PHC2: variants seen among roughly 807,000 people sequenced by gnomAD.
PHC2 encodes the protein polyhomeotic-like protein 2.
Under a neutral mutation model 87.4 loss-of-function variants are expected in PHC2, and 29 were observed. The ratio of observed to expected loss-of-function variants is 0.33; its 90% confidence interval spans 0.25 to 0.45. The LOEUF is 0.45. Ranked by LOEUF, PHC2 falls within the 20% of genes least tolerant of loss-of-function variation. The pLI is 1.00. For missense variants in PHC2, 857 were observed against 1,136.7 expected, an observed-to-expected ratio of 0.75 and a Z score of 3.54; for synonymous variants, 438 against 461.7, an observed-to-expected ratio of 0.95 and a Z score of 0.66.
chr1:33,419,770 C>A (rs1009030791), intron 1 of PHC2, among the ~76,000 whole-genome samples: 22 of 152,134 alleles, frequency 1.4e-4, no homozygotes, highest in African/African-American at 4.8e-4. Context: ...CTACCACGCC[C>A]GGCTAATTTT....
At chr1:33,346,634 C>CA in intron 9 of PHC2, 1 of 985,332 alleles carries the variant, frequency 1.0e-6, no homozygotes, top group South Asian at 4.7e-5. Context: ...CTGGAGTCAC[C>CA]AACCTATTCC....
At chr1:33,325,114 A>T in intron 14 of PHC2, 95 bp from the exon 15 acceptor site, 1 of 1,212,736 alleles carries the variant, frequency 8.2e-7, no homozygotes, top group Non-Finnish European at 1.1e-6. Flanking sequence ...AGTTATCTGC[A>T]TCCATTATTT....
chr1:33,328,809 G>A (rs923342796), intron 14 of PHC2, 61 bp downstream of exon 14: 2 of 1,486,242 alleles, frequency 1.3e-6, no homozygotes, highest in Non-Finnish European at 1.8e-6. Context: ...GTGGTGGGAG[G>A]GTCTCTCATT....
chr1:33,424,239 G>A (rs939015293), intron 1 of PHC2, among the ~76,000 whole-genome samples: 4 of 152,014 alleles, frequency 2.6e-5, no homozygotes, highest in Admixed American at 1.3e-4. Flanking sequence ...TCCTTAAAAC[G>A]AACGGGTGCC....
intron 9 of PHC2, chr1:33,350,014 T>C (rs1646936807): frequency 1.2e-5 from 3 of 243,034 alleles, no homozygotes; most frequent in African/African-American, 7.0e-5. Context: ...CGCGCTTCCT[T>C]TGTGCGGCGA....
intron 1 of PHC2, among the ~76,000 whole-genome samples, chr1:33,397,421 A>G (rs1649340444): frequency 6.6e-6 from 1 of 152,234 alleles, no homozygotes. Flanking sequence ...CCTCTGGGTC[A>G]TTCACGTGCA....
chr1:33,351,305 A>T (rs72658253), intron 9 of PHC2, among the ~76,000 whole-genome samples: 14,915 of 152,288 alleles, frequency 0.098, 1,034 homozygotes, highest in East Asian at 0.28. Flanking sequence ...AAAAAAATTT[A>T]AAATGTAGAA....
At chr1:33,399,974 G>T (rs1321926065) in intron 1 of PHC2, among the ~76,000 whole-genome samples, 6 of 151,856 alleles carry the variant, frequency 4.0e-5, no homozygotes, top group South Asian at 2.1e-4. Flanking sequence ...GTAAGAGAGA[G>T]ATATAACTTA....
At chr1:33,342,960 G>T (rs1009167489) in intron 9 of PHC2, among the ~76,000 whole-genome samples, 3 of 152,194 alleles carry the variant, frequency 2.0e-5, no homozygotes, top group African/African-American at 7.2e-5. Flanking sequence ...GGCCAGACCT[G>T]GACTCATATT....
In PHC2 at chr1:33,371,070, C is replaced by G. The variant is rs2148326264; in HGVS notation, c.358G>C (p.Gly120Arg). The G allele has an allele frequency of 6.2e-7, 1 of 1,614,100 alleles. No homozygotes were observed. Among genetic ancestry groups the G allele is most frequent in the Non-Finnish European group, 8.5e-7 (1 of 1,179,982 alleles). The change falls in exon 4 of 15, where the codon GGA becomes CGA. Residue 120 changes from glycine to arginine, a missense_variant. This residue lies in a region of PHC2 where 832 missense variants were observed against 1,081.8 expected (regional missense o/e 0.77). Transcript: ENST00000683057. ...QQASLVSNRQ[G>R]STSGSNVSAQ... ...GACACATTGCTGCCTGAAGTGCTTC[C>G]TTGTCTATTGGATACCAGGCTTGCC...
At chr1:33,407,051 T>C (rs1649793525) in intron 1 of PHC2, among the ~76,000 whole-genome samples, 1 of 152,234 alleles carries the variant, frequency 6.6e-6, no homozygotes, top group Non-Finnish European at 1.5e-5. Flanking sequence ...GATCTACTGA[T>C]TAATATGTTC....
rs1646927018 is a variant in PHC2 at position 33,349,797 on chromosome 1, G to A, written c.1558+4604C>T. The A allele has an allele frequency of 2.0e-6, 2 of 977,336 alleles. No individual in the cohort carries two copies. The highest frequency in any genetic ancestry group is 1.2e-6 in the Non-Finnish European group (1 of 825,460). The allele number at this position is 977,336 out of a possible 1,614,324, so 60.5% of individuals were successfully genotyped here. ...CAAAGGGCGGCCGGGGCGCGAGGCCGGGACGGGGGCGCGAGGCCGGGGCGG... is the reference window on the plus strand; with the variant it reads ...CAAAGGGCGGCCGGGGCGCGAGGCCAGGACGGGGGCGCGAGGCCGGGGCGG... On this transcript the variant is annotated intron_variant, in intron 9 of 14. Coordinates refer to ENST00000683057, the MANE Select transcript of PHC2 (RefSeq NM_001385109.1). This position sits in a 1 kb window ranked among gnomAD's most constrained non-coding sequence, Gnocchi z 4.2.
intron 1 of PHC2, among the ~76,000 whole-genome samples, chr1:33,378,234 T>C (rs1360238086): frequency 6.6e-6 from 1 of 152,190 alleles, no homozygotes; most frequent in Non-Finnish European, 1.5e-5. Flanking sequence ...TCTTATGTTC[T>C]AGGGAGGGAA....
At chr1:33,390,698 T>C (rs889774682) in intron 1 of PHC2, among the ~76,000 whole-genome samples, 10 of 151,500 alleles carry the variant, frequency 6.6e-5, no homozygotes, top group South Asian at 2.1e-4. Flanking sequence ...TTTTTTTTTT[T>C]TTTCTCTGTA....
intron 9 of PHC2, chr1:33,346,173 T>G (rs142958555): frequency 1.0e-6 from 1 of 978,406 alleles, no homozygotes; most frequent in East Asian, 1.2e-4. Context: ...CCCATCAGAG[T>G]AGACTGCATA....
rs1354248365 is a variant in PHC2, at chr1:33,367,366, G to A, written c.726C>T (p.Pro242=). 6.2e-7 allele frequency: 1 copy of A among 1,608,782 alleles called. No individual in the cohort carries two copies. Among genetic ancestry groups the A allele is most frequent in the Non-Finnish European group, 8.5e-7 (1 of 1,176,130 alleles). ...CCAAGCTGGGCAGGACAGGCTGAGT[G>A]GGGGTGGGGCCCGAGGCTGCTGCCG... ...TPAAAASGPT[P]TQPVLPSLAL... Residue 242 remains proline, a synonymous_variant, in exon 7 of 15, where the codon CCC becomes CCT. Transcript: ENST00000683057.
At chr1:33,361,370 C>T (rs1384878272) in intron 7 of PHC2, among the ~76,000 whole-genome samples, 2 of 152,028 alleles carry the variant, frequency 1.3e-5, no homozygotes, top group Non-Finnish European at 2.9e-5. Context: ...GATGGAGTTT[C>T]GCTCTTGACG....
At chr1:33,374,414 A>G (rs1648041985) in intron 2 of PHC2, among the ~76,000 whole-genome samples, 1 of 152,202 alleles carries the variant, frequency 6.6e-6, no homozygotes, top group Admixed American at 6.5e-5. Flanking sequence ...GCTAGGGACA[A>G]GGGTAGGGGC....
At chr1:33,363,040 C>A (rs1647240244) in intron 7 of PHC2, 1 of 151,572 alleles carries the variant, frequency 6.6e-6, no homozygotes, top group South Asian at 2.1e-4. Flanking sequence ...CATGGCTGTT[C>A]ATTAACTGGT....
Sources: allele counts gnomAD v4.1 joint callset (sites outside exome capture counted in the v4.1 genomes callset), GRCh38; gene constraint gnomAD v4.1.1; regional missense constraint gnomAD v4.1.1; non-coding constraint Gnocchi (gnomAD v3.1); transcripts MANE v1.5; gene names NCBI Gene and HGNC (gene_info 2026-07-23, HGNC 2026-07-21).